EEF1D: variants seen among roughly 807,000 people sequenced by gnomAD.
EEF1D encodes the protein elongation factor 1-delta.
Under a neutral mutation model 63.9 loss-of-function variants are expected in EEF1D, and 47 were observed. That is an observed-to-expected ratio of 0.74 (90% confidence interval 0.58 to 0.94). The LOEUF is 0.94. Among genes scored for constraint, EEF1D ranks in the 40% least tolerant of loss-of-function variants. EEF1D has a pLI of 0.00. For synonymous variants in EEF1D, 412 were observed against 386.1 expected (o/e 1.07, Z -0.79); for missense variants, 907 against 899.0 (o/e 1.01, Z -0.11).
At chr8:143,580,447 C>T (rs912737038) in intron 8 of EEF1D, 59 bp downstream of exon 8, 29 of 1,566,738 alleles carry the variant, frequency 1.9e-5, no homozygotes, top group East Asian at 6.8e-5. Context: ...CAGGCTGAGC[C>T]GGCTAGGCGG....
Position 143,590,073 on chromosome 8 carries a change from G to A in EEF1D, c.9C>T (p.Ser3=), listed in dbSNP as rs1363513406. The change falls in exon 3 of 10, where the codon AGC becomes AGT. Residue 3 remains serine (S), a synonymous_variant. Coordinates refer to ENST00000618139, the MANE Select transcript of EEF1D (RefSeq NM_001130053.5). ...TCTCCAGGGTGCAGGAGGCCTTCCC[G>A]CTCCTCATCTTCCGGACACAGCGAT... The part of the protein sequence containing the change: MR[S]GKASCTLETV... 4.4e-6 allele frequency: 7 copies of A among 1,598,414 alleles called. No homozygotes were observed. Among genetic ancestry groups the A allele is most frequent in the Admixed American group, 3.3e-5 (2 of 59,990 alleles).
chr8:143,589,517 C>T lies in EEF1D; in HGVS notation c.565G>A (p.Asp189Asn), dbSNP rs747101771. 13 of 1,508,960 alleles carry T rather than the reference C, an allele frequency of 8.6e-6. No individual in the cohort carries two copies. The highest frequency in any genetic ancestry group is 1.8e-4 in the Middle Eastern group (1 of 5,652). 93.5% of individuals were successfully genotyped at this position (1,508,960 alleles called of 1,614,324 possible). ...GGAGTCCCCTGCCTGCGGCTGCCGT[C>T]GGGGGCCAGCAACAGGGCCTGAGAC... is the stretch of plus-strand genomic sequence containing the variant. ...EWSQALLLAP[D>N]GSRRQGTPNT... is the part of the protein sequence containing the mutation. Residue 189 changes from aspartate to asparagine, a missense_variant, in exon 3 of 10, where the codon GAC becomes AAC. Asp to Asn is a conservative substitution (Grantham distance 23). Transcript: ENST00000618139.
chr8:143,594,631 G>A (rs1828497353), intron 1 of EEF1D: 1 of 152,408 alleles, frequency 6.6e-6, no homozygotes, highest in Non-Finnish European at 1.5e-5. Context: ...CCTCCACAGG[G>A]AGAAGTCAGG....
Position 143,589,855 on chromosome 8 carries a change from T to C in EEF1D, c.227A>G (p.Lys76Arg), listed in dbSNP as rs773933749. Residue 76 changes from lysine to arginine, a missense_variant, in exon 3 of 10, where the codon AAG becomes AGG. By Grantham distance (26) the Lys-to-Arg change is conservative. Transcript: ENST00000618139. ...CAGGGGCTTCCTGCTGTCCTGGCTCTTCCTGGGATCACGCCTGCTGCCGCC... is the reference window on the plus strand; with the variant it reads ...CAGGGGCTTCCTGCTGTCCTGGCTCCTCCTGGGATCACGCCTGCTGCCGCC... ...PDGGSRRDPR[K>R]SQDSRKPLQK... 6.2e-7 allele frequency: 1 copy of C among 1,603,698 alleles called. No homozygotes were observed. Among genetic ancestry groups the C allele is most frequent in the South Asian group, 1.1e-5 (1 of 90,690 alleles).
chr8:143,595,334 G>A (rs1376208565), intron 1 of EEF1D, among the ~76,000 whole-genome samples: 2 of 152,140 alleles, frequency 1.3e-5, no homozygotes, highest in Non-Finnish European at 2.9e-5. Flanking sequence ...GCCTCCCACA[G>A]TGCTGGGATT....
At chr8:143,596,847 C>T (rs1828920350) in intron 1 of EEF1D, 1 of 152,316 alleles carries the variant, frequency 6.6e-6, no homozygotes, top group Non-Finnish European at 1.5e-5. Context: ...TTGACCCAGT[C>T]ACAGTACAGG....
chr8:143,579,774 C>T lies in EEF1D; in HGVS notation c.*18G>A, dbSNP rs752731167. 25 of 1,547,722 alleles carry T rather than the reference C, an allele frequency of 1.6e-5. No homozygotes were observed. The highest frequency in any genetic ancestry group is 2.5e-5 in the South Asian group (2 of 80,598). On this transcript the variant is annotated 3_prime_UTR_variant, in exon 10 of 10. Transcript: ENST00000618139. Reference sequence around the variant, plus strand: ...TGGCAGGGCCTCACGCACGCGCGCACGTACACACACTCAGGCTTCAGATCT... The same window carrying T: ...TGGCAGGGCCTCACGCACGCGCGCATGTACACACACTCAGGCTTCAGATCT...
At chr8:143,588,282 AC>A (rs1827108631) in intron 3 of EEF1D, among the ~76,000 whole-genome samples, 1 of 151,996 alleles carries the variant, frequency 6.6e-6, no homozygotes, top group African/African-American at 2.4e-5. Flanking sequence ...CCACCAGGAC[AC>A]CCTCGCCAAC....
At chr8:143,592,792 G>A in intron 1 of EEF1D, 132 bp from the exon 2 acceptor site, 1 of 720,920 alleles carries the variant, frequency 1.4e-6, no homozygotes, top group Non-Finnish European at 1.7e-6. Flanking sequence ...TGGTGTGGAG[G>A]TGACACTGGT....
At chr8:143,587,035 G>C (rs1027104720) in intron 3 of EEF1D, 183 bp from the exon 4 acceptor site, 5 of 732,308 alleles carry the variant, frequency 6.8e-6, no homozygotes, top group Non-Finnish European at 1.1e-5. Flanking sequence ...TCTTCCAGAC[G>C]AGGAGTTCTC....
Position 143,589,338 on chromosome 8 carries a change from C to T in EEF1D, c.744G>A (p.Glu248=). Residue 248 remains glutamate (E), a synonymous_variant, in exon 3 of 10, where the codon GAG becomes GAA. Coordinates refer to ENST00000618139, the MANE Select transcript of EEF1D (RefSeq NM_001130053.5). ...CTGGGGGATGGCCGTCAAACAGGGCCTCGTAGAAGCCCCTCTCGGCTGCAT... is the reference window on the plus strand; with the variant it reads ...CTGGGGGATGGCCGTCAAACAGGGCTTCGTAGAAGCCCCTCTCGGCTGCAT... ...RYDAAERGFY[E]ALFDGHPPGK... The T allele has an allele frequency of 6.3e-7, 1 of 1,582,134 alleles. No homozygotes were observed.
At position 143,589,086 on chromosome 8, in the gene EEF1D, G is replaced by A. The variant is rs779048145; in HGVS notation, c.996C>T (p.Ala332=). The A allele has an allele frequency of 1.1e-5, 17 of 1,609,446 alleles. No individual in the cohort carries two copies. Among genetic ancestry groups the A allele is most frequent in the East Asian group, 6.7e-5 (3 of 44,808 alleles). ...GGCACCAGGCCACCCGCAGGGCCTC[G>A]GCAGCGTGGTGGCGGCACTCGGCGC... ...YDSAECRHHA[A]EALRVAWCLE... is the part of the protein sequence containing the mutation. The change falls in exon 3 of 10, where the codon GCC becomes GCT. Residue 332 remains alanine, a synonymous_variant. Coordinates refer to ENST00000618139, the MANE Select transcript of EEF1D (RefSeq NM_001130053.5).
Position 143,590,418 on chromosome 8 carries a change from C to T in EEF1D, c.1-337G>A, listed in dbSNP as rs57544761. 1.6e-3 allele frequency: 1,011 copies of T among 643,906 alleles called. 10 individuals carry two copies. The highest frequency in any genetic ancestry group is 0.015 in the African/African-American group (831 of 53,980). The allele number at this position is 643,906 out of a possible 1,614,324, so 39.9% of individuals were successfully genotyped here. A position where few individuals can be genotyped will look rare whatever the true frequency, so the allele number is the denominator to read the frequency against. On this transcript the variant is annotated intron_variant, in intron 2 of 9. Coordinates refer to ENST00000618139, the MANE Select transcript of EEF1D (RefSeq NM_001130053.5). ...TGGCCCATGAAGTATCTGAGACATA[C>T]TTACACTAAAAATTTTTCGTCATTT...
Position 143,586,764 on chromosome 8 carries a change from G to A in EEF1D, c.1180C>T (p.Gln394Ter), listed in dbSNP as rs1440075454. 1.9e-6 allele frequency: 3 copies of A among 1,614,024 alleles called. No individual in the cohort carries two copies. The highest frequency in any genetic ancestry group is 2.5e-6 in the Non-Finnish European group (3 of 1,180,028). The change falls in exon 4 of 10, where the codon CAG becomes TAG. Residue 394 changes from glutamine to a stop codon, truncating the protein, a stop_gained. Transcript: ENST00000618139. LOFTEE classifies it high-confidence loss of function. ...GCACCTGCCACAGGCCCGTTCATCT[G>A]CTCGTAGAATCTCCTTTCTGCGTCG... ...YDDAERRFYE[Q>*]MNGPVAGASR...
In EEF1D at chr8:143,580,365, T is replaced by C. The variant is rs1376556814; in HGVS notation, c.1710+141A>G. On this transcript the variant is annotated intron_variant, in intron 8 of 9. Transcript: ENST00000618139. ...AATTCACACCTTCCTGCCTCCAAGT[T>C]TGTGTTTATCCCAAGACTTCTAAAC... 4 of 1,260,144 alleles carry C rather than the reference T, an allele frequency of 3.2e-6. No individual in the cohort carries two copies. In the African/African-American group the frequency reaches 6.0e-5, roughly 19 times the overall value. The allele number at this position is 1,260,144 out of a possible 1,614,324, so 78.1% of individuals were successfully genotyped here.
intron 5 of EEF1D, 135 bp downstream of exon 5, chr8:143,586,084 G>A (rs1410284278): frequency 2.5e-5 from 17 of 687,106 alleles, no homozygotes; most frequent in Non-Finnish European, 3.7e-5. Context: ...AGAGCCACAC[G>A]TCCCAAGGAG....
intron 2 of EEF1D, chr8:143,592,197 T>C: frequency 2.0e-6 from 2 of 985,330 alleles, no homozygotes; most frequent in Non-Finnish European, 1.2e-6. Context: ...CCCCCACCAG[T>C]CTCTCTGCTC....
chr8:143,593,503 G>A (rs1049372453), intron 1 of EEF1D, among the ~76,000 whole-genome samples: 5 of 152,166 alleles, frequency 3.3e-5, no homozygotes, highest in Admixed American at 1.3e-4. Context: ...GCTGGGATCC[G>A]TCTTCCTTCA....
rs918804464 is a variant in EEF1D at position 143,597,102 on chromosome 8, C to G, written c.-15+246G>C. On this transcript the variant is annotated intron_variant, in intron 1 of 9. Transcript: ENST00000618139. Reference sequence around the variant, plus strand: ...TCCACGACCGGGATGCGCCGTGAGACAGTGCTCCCGGCGCCCCCGTCCCGC... The same window carrying G: ...TCCACGACCGGGATGCGCCGTGAGAGAGTGCTCCCGGCGCCCCCGTCCCGC... 2 of 152,174 alleles carry G rather than the reference C, an allele frequency of 1.3e-5. 1 individual carries two copies. Among genetic ancestry groups the G allele is most frequent in the Admixed American group, 1.3e-4 (2 of 15,292 alleles). The allele number at this position is 152,174 out of a possible 1,614,324, so 9.4% of individuals were successfully genotyped here. A position where few individuals can be genotyped will look rare whatever the true frequency, so the allele number is the denominator to read the frequency against.
Sources: allele counts gnomAD v4.1 joint callset (sites outside exome capture counted in the v4.1 genomes callset), GRCh38; gene constraint gnomAD v4.1.1; transcripts MANE v1.5; gene names NCBI Gene and HGNC (gene_info 2026-07-23, HGNC 2026-07-21).